Variants in WNK2 observed in about 807,000 individuals in gnomAD.
WNK2 encodes the protein WNK lysine deficient protein kinase 2, also known as serine/threonine-protein kinase WNK2.
Under a neutral mutation model 192.1 loss-of-function variants are expected in WNK2, and 67 were observed. The observed-to-expected ratio is 0.35, with a 90% CI of 0.29 to 0.43. The LOEUF (loss-of-function observed/expected upper bound fraction) is 0.43. Among genes scored for constraint, WNK2 ranks in the 20% least tolerant of loss-of-function variants. WNK2 has a pLI of 1.00. For missense variants in WNK2, 2,698 were observed against 3,089.7 expected, an observed-to-expected ratio of 0.87 and a Z score of 3.01; for synonymous variants, 1,439 against 1,393.9, an observed-to-expected ratio of 1.03 and a Z score of -0.72.
chr9:93,226,664 GCATCCC>G (rs1472766824), intron 2 of WNK2, among the ~76,000 whole-genome samples: 1 of 152,120 alleles, frequency 6.6e-6, no homozygotes, highest in African/African-American at 2.4e-5. Flanking sequence ...TATTCTGATG[GCATCCC>G]CCAGATATTA....
At chr9:93,280,223 A>G (rs1272228771) in intron 19 of WNK2, among the ~76,000 whole-genome samples, 1 of 152,202 alleles carries the variant, frequency 6.6e-6, no homozygotes, top group Non-Finnish European at 1.5e-5. Context: ...GATCTATTGA[A>G]AAGGTTGGTA....
At chr9:93,313,973 T>C (rs538081225) in intron 28 of WNK2, among the ~76,000 whole-genome samples, 94 of 151,932 alleles carry the variant, frequency 6.2e-4, no homozygotes, top group African/African-American at 2.1e-3. Context: ...ACAAAAAATA[T>C]AAAAATTAGC....
intron 2 of WNK2, among the ~76,000 whole-genome samples, chr9:93,211,246 T>TCACTCATC: frequency 3.5e-5 from 1 of 28,256 alleles, no homozygotes. Context: ...ACTCATTCAC[T>TCACTCATC]CACTCACTCA....
At chr9:93,241,488 T>C (rs796697345) in intron 7 of WNK2, among the ~76,000 whole-genome samples, 1 of 152,220 alleles carries the variant, frequency 6.6e-6, no homozygotes, top group Admixed American at 6.5e-5. Flanking sequence ...GTTGAAAATG[T>C]CCATCAGTCA....
At chr9:93,265,018 T>G (rs1169036234) in intron 16 of WNK2, among the ~76,000 whole-genome samples, 1 of 152,234 alleles carries the variant, frequency 6.6e-6, no homozygotes, top group African/African-American at 2.4e-5. Context: ...AGCCCCTGGC[T>G]TTCTGCTCCT....
intron 2 of WNK2, among the ~76,000 whole-genome samples, chr9:93,211,742 C>G (rs1834806989): frequency 6.6e-6 from 1 of 152,144 alleles, no homozygotes; most frequent in Non-Finnish European, 1.5e-5. Flanking sequence ...CATCCAGTCA[C>G]TCATACATTC....
intron 19 of WNK2, among the ~76,000 whole-genome samples, chr9:93,269,125 T>A (rs1845663255): frequency 6.6e-6 from 1 of 151,996 alleles, no homozygotes; most frequent in African/African-American, 2.4e-5. Flanking sequence ...TTCTGCTTGC[T>A]TTGGGGGGTG....
rs373932974 is a variant in WNK2 at position 93,292,913 on chromosome 9, G to T, written c.5448G>T (p.Ala1816=). 2 of 1,523,970 alleles carry T rather than the reference G, an allele frequency of 1.3e-6. No individual in the cohort carries two copies. Among genetic ancestry groups the T allele is most frequent in the South Asian group, 2.5e-5 (2 of 79,010 alleles). 94.4% of individuals were successfully genotyped at this position (1,523,970 alleles called of 1,614,324 possible). A position where few individuals can be genotyped will look rare whatever the true frequency, so the allele number is the denominator to read the frequency against. The part of the protein sequence containing the change: ...SSDSGDEGPR[A]RPPVQKQASL... ...ACTCTGGGGACGAGGGCCCTCGGGC[G>T]AGACCCCCGGTGCAGAAGCAGGCGT... is the stretch of plus-strand genomic sequence containing the variant. The change falls in exon 23 of 30, where the codon GCG becomes GCT. Residue 1816 remains alanine (A), a synonymous_variant. Coordinates refer to ENST00000427277, the MANE Select transcript of WNK2 (RefSeq NM_006648.4).
chr9:93,220,895 C>A (rs1241419959), intron 2 of WNK2, among the ~76,000 whole-genome samples: 1 of 150,250 alleles, frequency 6.7e-6, no homozygotes, highest in Non-Finnish European at 1.5e-5. Flanking sequence ...CAGCCTGGGT[C>A]CCCCTTTGGT....
At chr9:93,221,666 G>A (rs1836908138) in intron 2 of WNK2, among the ~76,000 whole-genome samples, 1 of 152,216 alleles carries the variant, frequency 6.6e-6, no homozygotes, top group African/African-American at 2.4e-5. Context: ...ATTCAGTTCT[G>A]AAGAAAATCC....
chr9:93,223,244 C>G (rs138057045), intron 2 of WNK2, among the ~76,000 whole-genome samples: 8 of 152,334 alleles, frequency 5.3e-5, no homozygotes, highest in African/African-American at 1.9e-4. Context: ...CACTGCAGAG[C>G]AGGCCCAGTG....
intron 2 of WNK2, among the ~76,000 whole-genome samples, chr9:93,213,790 AAAAACAAAAC>A (rs140166384): frequency 3.9e-4 from 59 of 152,256 alleles, no homozygotes; most frequent in Middle Eastern, 3.4e-3. Flanking sequence ...ACTCCATCTC[AAAAACAAAAC>A]AAAACAAAAC....
rs941462743 is a variant in WNK2 at position 93,257,223 on chromosome 9, G to T, written c.2382+84G>T. 2 of 1,438,678 alleles carry T rather than the reference G, an allele frequency of 1.4e-6. No individual in the cohort carries two copies. Among genetic ancestry groups the T allele is most frequent in the African/African-American group, 1.4e-5 (1 of 69,570 alleles). 89.1% of individuals were successfully genotyped at this position (1,438,678 alleles called of 1,614,324 possible). On this transcript the variant is annotated intron_variant, in intron 11 of 29. Transcript: ENST00000427277. The surrounding 1 kb of genome is among the most constrained non-coding windows in gnomAD (Gnocchi z 4.7). ...GGTGCACTAGGACACCCACAGAGGG[G>T]GTTGTCTGTGCATGTGACCTGTGAC...
chr9:93,276,927 T>G (rs538443299), intron 19 of WNK2, among the ~76,000 whole-genome samples: 2 of 151,992 alleles, frequency 1.3e-5, no homozygotes, highest in African/African-American at 4.8e-5. Context: ...TCCCAGCTAC[T>G]CAGGAGGCTG....
In WNK2 at chr9:93,253,089, CAG is replaced by C; in HGVS notation, c.2034+10_2034+11del. On this transcript the variant is annotated splice_region_variant and intron_variant, in intron 9 of 29. Transcript: ENST00000427277. ...CCAGCAGCCCACGGCTGCAGTGAGT[CAG>C]AGCATCACTCCCACCCCCTTCCCCA... The C allele has an allele frequency of 3.5e-6, 5 of 1,431,116 alleles. No homozygotes were observed. Among genetic ancestry groups the C allele is most frequent in the Non-Finnish European group, 4.6e-6 (5 of 1,092,706 alleles). The allele number at this position is 1,431,116 out of a possible 1,614,324, so 88.7% of individuals were successfully genotyped here. A position where few individuals can be genotyped will look rare whatever the true frequency, so the allele number is the denominator to read the frequency against.
Position 93,262,657 on chromosome 9 carries a change from G to A in WNK2, c.3361-13G>A. On this transcript the variant is annotated splice_polypyrimidine_tract_variant and intron_variant, in intron 13 of 29. Transcript: ENST00000427277. ...GCATGACCTGTTCTCTTTTCTCCGG[G>A]TGTTTATTTCAGGAGCAGGCCTCAC... 1.2e-6 allele frequency: 2 copies of A among 1,612,700 alleles called. No individual in the cohort carries two copies. The highest frequency in any genetic ancestry group is 1.7e-6 in the Non-Finnish European group (2 of 1,179,880).
intron 20 of WNK2, 28 bp from the exon 21 acceptor site, chr9:93,289,950 T>A: frequency 6.5e-7 from 1 of 1,549,486 alleles, no homozygotes; most frequent in South Asian, 1.2e-5. Context: ...GTCTCACGGC[T>A]CTTCTCTTTT....
At chr9:93,305,254 A>T (rs907685918) in intron 26 of WNK2, among the ~76,000 whole-genome samples, 1 of 152,204 alleles carries the variant, frequency 6.6e-6, no homozygotes, top group Non-Finnish European at 1.5e-5. Context: ...AAAGCCTGCC[A>T]GGGAAATTGG....
chr9:93,288,785 T>C lies in WNK2; in HGVS notation c.4034-3T>C. On this transcript the variant is annotated splice_polypyrimidine_tract_variant and splice_region_variant and intron_variant, in intron 19 of 29. Coordinates refer to ENST00000427277, the MANE Select transcript of WNK2 (RefSeq NM_006648.4). ...ACAAAGGCATTTTCCCCATTTCTTC[T>C]AGATTCAGCGCCCTATAAAGACCAG... 1.9e-6 allele frequency: 3 copies of C among 1,606,424 alleles called. No individual in the cohort carries two copies. The highest frequency in any genetic ancestry group is 2.5e-6 in the Non-Finnish European group (3 of 1,177,280).
Sources: gnomAD v4.1 joint callset for allele counts (sites outside exome capture counted in the v4.1 genomes callset) on GRCh38, gnomAD v4.1.1 for gene constraint, Gnocchi (gnomAD v3.1) non-coding constraint, MANE v1.5 for transcripts, NCBI Gene and HGNC (gene_info 2026-07-23, HGNC 2026-07-21) for gene names.